The following ERC1 variants were observed in gnomAD, a reference collection of about 807,000 sequenced individuals.
The protein encoded by ERC1 is ELKS/RAB6-interacting/CAST family member 1.
In ERC1, 56 loss-of-function variants were observed where a neutral mutation model predicts 132.0. The ratio of observed to expected loss-of-function variants is 0.42; its 90% CI spans 0.34 to 0.53. ERC1 has a LOEUF of 0.53. Ranked by LOEUF, ERC1 falls within the 20% of genes least tolerant of loss-of-function variation. ERC1 has a pLI of 0.03. For synonymous variants in ERC1, 478 were observed against 476.1 expected, an observed-to-expected ratio of 1.00 and a Z score of -0.05; for missense variants, 1,202 against 1,349.9, an observed-to-expected ratio of 0.89 and a Z score of 1.72.
chr12:1,344,015 G>T (rs1027825267), intron 15 of ERC1, among the ~76,000 whole-genome samples: 1 of 151,996 alleles, frequency 6.6e-6, no homozygotes, highest in Non-Finnish European at 1.5e-5. Flanking sequence ...CTAATTTTTT[G>T]TATTTTTAGT....
At chr12:1,323,864 T>G (rs1400166328) in intron 15 of ERC1, among the ~76,000 whole-genome samples, 1 of 152,232 alleles carries the variant, frequency 6.6e-6, no homozygotes, top group Non-Finnish European at 1.5e-5. Flanking sequence ...GCTGTATGGC[T>G]GATTGTTGCT....
intron 15 of ERC1, among the ~76,000 whole-genome samples, chr12:1,365,061 G>A (rs1344385717): frequency 6.6e-6 from 1 of 152,098 alleles, no homozygotes; most frequent in Non-Finnish European, 1.5e-5. Flanking sequence ...ATTGTGCTAT[G>A]TTAGTAAATC....
At chr12:1,382,753 A>G (rs762686555) in intron 16 of ERC1, among the ~76,000 whole-genome samples, 2 of 152,262 alleles carry the variant, frequency 1.3e-5, no homozygotes, top group African/African-American at 4.8e-5. Flanking sequence ...ATCAAAAAGC[A>G]TAAGAAAACG....
chr12:1,145,722 TTTGAGCCATC>T (rs370762571), intron 8 of ERC1, among the ~76,000 whole-genome samples: 7 of 152,380 alleles, frequency 4.6e-5, no homozygotes, highest in African/African-American at 1.7e-4. Context: ...GATTTAAGTC[TTTGAGCCATC>T]TTGAGTTGAT....
At chr12:1,042,194 C>T (rs961718375) in intron 2 of ERC1, among the ~76,000 whole-genome samples, 20 of 151,590 alleles carry the variant, frequency 1.3e-4, no homozygotes, top group African/African-American at 4.1e-4. Context: ...CCTACCACCG[C>T]GCCCAGCTAT....
At chr12:1,436,227 A>AC (rs371641491) in intron 17 of ERC1, among the ~76,000 whole-genome samples, 541 of 152,122 alleles carry the variant, frequency 3.6e-3, no homozygotes, top group Non-Finnish European at 5.9e-3. Flanking sequence ...GCTACCACTC[A>AC]CAGAAGAGTC....
intron 8 of ERC1, among the ~76,000 whole-genome samples, chr12:1,169,522 C>T (rs116069117): frequency 0.015 from 2,280 of 152,210 alleles, 57 homozygotes; most frequent in African/African-American, 0.051. Flanking sequence ...CTACTGACTC[C>T]GATCCCAAAG....
rs1566757707 is a variant in ERC1, at chr12:1,394,035, A to AAC, written c.2926-14113_2926-14112insCA. ...CGTCTCAAAAAAAAAAAAAAAAAAC[A>AAC]AAAAAAAAACCACAAAGCATTAAGC... On this transcript the variant is annotated intron_variant, in intron 16 of 18. Coordinates refer to ENST00000360905, the MANE Select transcript of ERC1 (RefSeq NM_178040.4). Among the ~76,000 whole-genome samples, 125 of 84,764 alleles carry AAC rather than the reference A, an allele frequency of 1.5e-3. 9 individuals are homozygous for AAC. The South Asian group carries it at 0.04, about 27-fold the overall frequency. 55.6% of individuals were successfully genotyped at this position (84,764 alleles called of 152,430 possible).
chr12:1,118,534 C>T (rs539410830), intron 7 of ERC1, among the ~76,000 whole-genome samples: 7 of 152,230 alleles, frequency 4.6e-5, no homozygotes, highest in Middle Eastern at 3.4e-3. Context: ...AGGGCCACTG[C>T]GCAAATAGAA....
At chr12:1,010,677 A>AT (rs999950942) in intron 1 of ERC1, among the ~76,000 whole-genome samples, 21 of 149,992 alleles carry the variant, frequency 1.4e-4, no homozygotes, top group South Asian at 2.1e-4. Flanking sequence ...CACCTGGCTA[A>AT]TTTTTTTTTA....
chr12:1,354,536 C>T (rs1477198767), intron 15 of ERC1, among the ~76,000 whole-genome samples: 1 of 147,684 alleles, frequency 6.8e-6, no homozygotes, highest in Non-Finnish European at 1.5e-5. Flanking sequence ...AAAAAAAAAA[C>T]TTAGTTGAAG....
intron 11 of ERC1, among the ~76,000 whole-genome samples, chr12:1,188,948 T>C (rs1163977133): frequency 6.6e-6 from 1 of 152,224 alleles, no homozygotes; most frequent in South Asian, 2.1e-4. Context: ...ACTTGAAAAT[T>C]AGTTTTTAAT....
chr12:1,372,202 C>T (rs534939834), intron 16 of ERC1, among the ~76,000 whole-genome samples: 1 of 152,190 alleles, frequency 6.6e-6, no homozygotes, highest in South Asian at 2.1e-4. Flanking sequence ...TGTCACAGGT[C>T]TTCTATGAGA....
chr12:1,171,765 A>G (rs1369753656), intron 8 of ERC1, among the ~76,000 whole-genome samples: 1 of 152,200 alleles, frequency 6.6e-6, no homozygotes, highest in African/African-American at 2.4e-5. Flanking sequence ...ACTGTGTCCT[A>G]GAGGAAGTCT....
At chr12:1,206,094 A>G (rs905951995) in intron 12 of ERC1, among the ~76,000 whole-genome samples, 2 of 152,176 alleles carry the variant, frequency 1.3e-5, no homozygotes, top group Admixed American at 1.3e-4. Context: ...TTTCCAAGGA[A>G]TACAAAATAA....
chr12:1,406,987 G>C (rs1468257334), intron 16 of ERC1, among the ~76,000 whole-genome samples: 1 of 152,102 alleles, frequency 6.6e-6, no homozygotes, highest in African/African-American at 2.4e-5. Flanking sequence ...TATTTTACTA[G>C]TGTAACATAT....
intron 1 of ERC1, among the ~76,000 whole-genome samples, chr12:997,100 T>C (rs1299639510): frequency 6.6e-6 from 1 of 152,174 alleles, no homozygotes; most frequent in Non-Finnish European, 1.5e-5. Flanking sequence ...AAAAAATTTG[T>C]AGAGAGACAA....
At chr12:1,306,018 G>C (rs891849024) in intron 15 of ERC1, among the ~76,000 whole-genome samples, 4 of 152,068 alleles carry the variant, frequency 2.6e-5, no homozygotes, top group African/African-American at 7.2e-5. Context: ...GTTTCTGTAA[G>C]AGTTACTTCT....
Position 1,321,407 on chromosome 12 carries a change from G to C in ERC1, c.2780+31395G>C, listed in dbSNP as rs541508615. Among the ~76,000 whole-genome samples the C allele has an allele frequency of 1.2e-3, 188 of 152,228 alleles. 1 individual carries two copies. Among genetic ancestry groups the C allele is most frequent in the African/African-American group, 4.3e-3 (180 of 41,528 alleles). Reference sequence around the variant, plus strand: ...TTTCTTGTAAAGGTAGCAATTGCCTGTTGTATTCATACAATGCGGAGCCTA... The same window carrying C: ...TTTCTTGTAAAGGTAGCAATTGCCTCTTGTATTCATACAATGCGGAGCCTA... On this transcript the variant is annotated intron_variant, in intron 15 of 18. Coordinates refer to ENST00000360905, the MANE Select transcript of ERC1 (RefSeq NM_178040.4).
Sources: allele counts gnomAD v4.1 joint callset (sites outside exome capture counted in the v4.1 genomes callset), GRCh38; gene constraint gnomAD v4.1.1; transcripts MANE v1.5; gene names NCBI Gene and HGNC (gene_info 2026-07-23, HGNC 2026-07-21).